ARHGAP25: variants seen among roughly 807,000 people sequenced by gnomAD.
ARHGAP25 encodes Rho GTPase activating protein 25, also known as rho GTPase-activating protein 25.
Under a neutral mutation model 71.0 loss-of-function variants are expected in ARHGAP25, and 34 were observed. That is an observed-to-expected ratio of 0.48 (90% confidence interval 0.36 to 0.64). The LOEUF is 0.64. Ranked by LOEUF, ARHGAP25 falls within the 30% of genes least tolerant of loss-of-function variation. ARHGAP25 has a pLI of 0.00. For synonymous variants in ARHGAP25, 282 were observed against 296.5 expected, an observed-to-expected ratio of 0.95 and a Z score of 0.50; for missense variants, 706 against 805.1, an observed-to-expected ratio of 0.88 and a Z score of 1.49.
rs1433938753 is a variant in ARHGAP25 at position 68,755,374 on chromosome 2, C to CTGGAAGATT, written c.62-19846_62-19838dup. Among the ~76,000 whole-genome samples the CTGGAAGATT allele has an allele frequency of 2.6e-5, 4 of 152,086 alleles. No individual in the cohort carries two copies. The East Asian group carries it at 7.7e-4, about 29-fold the overall frequency. On this transcript the variant is annotated intron_variant, in intron 1 of 10. Transcript: ENST00000409202. ...ATCTTTTATCACTCAGAGAAAAGTGCTGGAAGATTGTAATGACCAGTGCTA... is the reference window on the plus strand; with the variant it reads ...ATCTTTTATCACTCAGAGAAAAGTGCTGGAAGATTTGGAAGATTGTAATGACCAGTGCTA...
At chr2:68,723,992 GCTA>G (rs1674825514) in intron 2 of ARHGAP25, among the ~76,000 whole-genome samples, 1 of 151,932 alleles carries the variant, frequency 6.6e-6, no homozygotes, top group African/African-American at 2.4e-5. Flanking sequence ...TCCCACCTCG[GCTA>G]CCTGAGTAGC....
intron 3 of ARHGAP25, among the ~76,000 whole-genome samples, chr2:68,783,062 C>A (rs1478881384): frequency 6.6e-6 from 1 of 152,218 alleles, no homozygotes; most frequent in Non-Finnish European, 1.5e-5. Flanking sequence ...CTTTTCTTCA[C>A]CCCCTCCTTC....
At chr2:68,784,525 A>C (rs762694231) in intron 3 of ARHGAP25, among the ~76,000 whole-genome samples, 41 of 152,030 alleles carry the variant, frequency 2.7e-4, no homozygotes, top group Non-Finnish European at 4.9e-4. Context: ...GGCAGGCAAC[A>C]ATTTAGGGTA....
chr2:68,826,235 A>G lies in ARHGAP25; in HGVS notation c.*41A>G. ...TGCAGGGACAGCCCCAGAGAGGCCC[A>G]ACTCTGGCCCCTTTCTCAGTGCTAT... On this transcript the variant is annotated 3_prime_UTR_variant, in exon 11 of 11. Transcript: ENST00000409202. The G allele has an allele frequency of 6.4e-7, 1 of 1,562,536 alleles. No homozygotes were observed. The highest frequency in any genetic ancestry group is 8.8e-7 in the Non-Finnish European group (1 of 1,133,248).
upstream of ARHGAP25, among the ~76,000 whole-genome samples, chr2:68,732,324 C>T (rs541215992): frequency 1.1e-4 from 16 of 152,278 alleles, 1 homozygote; most frequent in Admixed American, 3.3e-4. Flanking sequence ...AAGGAAGTTC[C>T]CTGCGTGTTT....
At chr2:68,719,387 T>G (rs1674696918) in intron 2 of ARHGAP25, among the ~76,000 whole-genome samples, 1 of 145,568 alleles carries the variant, frequency 6.9e-6, no homozygotes, top group African/African-American at 2.6e-5. Flanking sequence ...CGAATTGAAT[T>G]GTAGGACACC....
chr2:68,815,443 C>CTTTTTTTTT (rs796100406), intron 6 of ARHGAP25, among the ~76,000 whole-genome samples: 10 of 62,334 alleles, frequency 1.6e-4, no homozygotes, highest in East Asian at 5.2e-4. Context: ...TGTGTACTCT[C>CTTTTTTTTT]TTTTTTTTTT....
intron 1 of ARHGAP25, among the ~76,000 whole-genome samples, chr2:68,769,738 C>A (rs1192288156): frequency 6.6e-6 from 1 of 151,480 alleles, no homozygotes; most frequent in Non-Finnish European, 1.5e-5. Context: ...GGAAGTGGGG[C>A]CTGAAGGGAT....
intron 2 of ARHGAP25, chr2:68,775,848 TA>T: frequency 5.6e-6 from 2 of 358,308 alleles, no homozygotes; most frequent in South Asian, 4.2e-5. Flanking sequence ...GCAAAACAGA[TA>T]AAAATCTCTT....
chr2:68,768,305 T>C, intron 1 of ARHGAP25, among the ~76,000 whole-genome samples: 1 of 152,224 alleles, frequency 6.6e-6, no homozygotes, highest in South Asian at 2.1e-4. Flanking sequence ...TCAGGGATTA[T>C]ATCTTCCATC....
Position 68,775,259 on chromosome 2 carries a change from G to T in ARHGAP25, c.100G>T (p.Ala34Ser). The change falls in exon 2 of 11, where the codon GCC becomes TCC. Residue 34 changes from alanine to serine, a missense_variant. Physicochemically the swap from Ala to Ser is moderately conservative, Grantham distance 99 (BLOSUM62 1). Coordinates refer to ENST00000409202, the MANE Select transcript of ARHGAP25 (RefSeq NM_001007231.3). ...RSVMTGEQMA[A>S]FHPSSTPNPL... ...TGTGATGACTGGCGAGCAGATGGCT[G>T]CCTTCCATCCATCGTCCACCCCCAA... 6.2e-7 allele frequency: 1 copy of T among 1,614,272 alleles called. No homozygotes were observed. The highest frequency in any genetic ancestry group is 8.5e-7 in the Non-Finnish European group (1 of 1,180,052).
upstream of ARHGAP25, among the ~76,000 whole-genome samples, chr2:68,733,636 G>A (rs1369220859): frequency 6.6e-6 from 1 of 152,204 alleles, no homozygotes; most frequent in Non-Finnish European, 1.5e-5. Context: ...GATACAGCTT[G>A]CATGCAGGTA....
chr2:68,824,475 G>A (rs1433461291), intron 10 of ARHGAP25, among the ~76,000 whole-genome samples: 1 of 152,236 alleles, frequency 6.6e-6, no homozygotes, highest in Non-Finnish European at 1.5e-5. Context: ...GGGCGTGGTG[G>A]CTCACGCTTG....
At chr2:68,758,352 G>T (rs887314321) in intron 1 of ARHGAP25, among the ~76,000 whole-genome samples, 1 of 151,860 alleles carries the variant, frequency 6.6e-6, no homozygotes, top group African/African-American at 2.4e-5. Context: ...CCACCTATAC[G>T]CTGTCTACAA....
intron 1 of ARHGAP25, among the ~76,000 whole-genome samples, chr2:68,773,607 G>A (rs148063695): frequency 5.4e-4 from 82 of 152,162 alleles, no homozygotes; most frequent in African/African-American, 1.8e-3. Flanking sequence ...ACCATTAGGC[G>A]ATGGACTCAT....
chr2:68,760,448 C>G (rs573018831), intron 1 of ARHGAP25, among the ~76,000 whole-genome samples: 5 of 151,880 alleles, frequency 3.3e-5, no homozygotes, highest in African/African-American at 1.2e-4. Context: ...CCTAAGGATT[C>G]GACCAAAAAG....
At chr2:68,814,285 A>G (rs904524394) in intron 6 of ARHGAP25, among the ~76,000 whole-genome samples, 1 of 152,212 alleles carries the variant, frequency 6.6e-6, no homozygotes. Context: ...GACCAATAGA[A>G]CTTTCTATGG....
intron 2 of ARHGAP25, among the ~76,000 whole-genome samples, chr2:68,726,375 T>A (rs183584083): frequency 6.6e-6 from 1 of 152,218 alleles, no homozygotes; most frequent in South Asian, 2.1e-4. Context: ...TACAGAACAA[T>A]GGCCAAAAGG....
intron 4 of ARHGAP25, among the ~76,000 whole-genome samples, chr2:68,803,875 G>A (rs573681155): frequency 1.3e-5 from 2 of 152,208 alleles, no homozygotes; most frequent in South Asian, 4.1e-4. Context: ...GGGAATGGGT[G>A]GGGAGCTCAA....
Sources: gnomAD v4.1 joint callset for allele counts (sites outside exome capture counted in the v4.1 genomes callset) on GRCh38, gnomAD v4.1.1 for gene constraint, MANE v1.5 for transcripts, NCBI Gene and HGNC (gene_info 2026-07-23, HGNC 2026-07-21) for gene names.